Variants in GNA14 observed in about 807,000 individuals in gnomAD.
GNA14 encodes the protein G protein subunit alpha 14, also known as guanine nucleotide-binding protein subunit alpha-14.
In GNA14, 50 loss-of-function variants were observed where a neutral mutation model predicts 42.0. That is an observed-to-expected ratio of 1.19 (90% CI 0.95 to 1.51). The LOEUF (loss-of-function observed/expected upper bound fraction) is 1.51, where lower values mean the gene tolerates loss of function less well. Ranked by LOEUF, GNA14 falls within the 40% of genes most tolerant of loss-of-function variation. GNA14 has a pLI of 0.00. For missense variants in GNA14, 473 were observed against 446.2 expected (o/e 1.06, Z -0.54); for synonymous variants, 173 against 163.1 (o/e 1.06, Z -0.46).
At chr9:77,490,532 G>T (rs1836751974) in intron 2 of GNA14, among the ~76,000 whole-genome samples, 1 of 152,248 alleles carries the variant, frequency 6.6e-6, no homozygotes, top group East Asian at 1.9e-4. Flanking sequence ...TGCCTCGCGG[G>T]AAGGCAGCTA....
intron 1 of GNA14, among the ~76,000 whole-genome samples, chr9:77,626,527 TAACA>T (rs1191313899): frequency 4.6e-5 from 7 of 152,074 alleles, no homozygotes; most frequent in East Asian, 1.9e-4. Context: ...ACTGAAATAA[TAACA>T]AACAGTCTCT....
intron 2 of GNA14, among the ~76,000 whole-genome samples, chr9:77,489,595 C>A (rs1836724199): frequency 6.6e-6 from 1 of 152,070 alleles, no homozygotes; most frequent in Non-Finnish European, 1.5e-5. Context: ...AGGTGGTGCA[C>A]CTGGAGTCTG....
At chr9:77,431,684 A>G in intron 3 of GNA14, 1 of 410,206 alleles carries the variant, frequency 2.4e-6, no homozygotes, top group East Asian at 3.5e-5. Context: ...TCTGCAGAGC[A>G]CTCCGTCTCT....
chr9:77,475,068 C>T (rs932390858), intron 2 of GNA14, among the ~76,000 whole-genome samples: 4 of 146,774 alleles, frequency 2.7e-5, no homozygotes, highest in Non-Finnish European at 4.4e-5. Flanking sequence ...TTTTGTGATC[C>T]ACACCCAAGT....
At chr9:77,610,424 C>G (rs1423687630) in intron 1 of GNA14, among the ~76,000 whole-genome samples, 1 of 152,158 alleles carries the variant, frequency 6.6e-6, no homozygotes, top group Non-Finnish European at 1.5e-5. Flanking sequence ...CCTTCTGCCC[C>G]TACACCTTAA....
At chr9:77,511,665 C>G (rs1003225392) in intron 2 of GNA14, among the ~76,000 whole-genome samples, 3 of 152,144 alleles carry the variant, frequency 2.0e-5, no homozygotes, top group African/African-American at 7.2e-5. Context: ...GCCCTCACAG[C>G]CCTCACTCAC....
At chr9:77,645,830 T>A (rs894212131) in intron 1 of GNA14, among the ~76,000 whole-genome samples, 1 of 152,140 alleles carries the variant, frequency 6.6e-6, no homozygotes, top group Non-Finnish European at 1.5e-5. Flanking sequence ...ACTTCATACA[T>A]TGACACAAAT....
At chr9:77,488,689 C>A (rs1210808296) in intron 2 of GNA14, among the ~76,000 whole-genome samples, 2 of 150,480 alleles carry the variant, frequency 1.3e-5, no homozygotes, top group South Asian at 4.2e-4. Flanking sequence ...GGGCTCAAGG[C>A]ACCCTCTAGT....
Position 77,635,559 on chromosome 9 carries a change from G to A in GNA14, c.124+12111C>T, listed in dbSNP as rs931021799. Among the ~76,000 whole-genome samples, 4 of 151,974 alleles carry A rather than the reference G, an allele frequency of 2.6e-5. No individual in the cohort carries two copies. The South Asian group carries it at 8.3e-4, about 32-fold the overall frequency. On this transcript the variant is annotated intron_variant, in intron 1 of 6. Coordinates refer to ENST00000341700, the MANE Select transcript of GNA14 (RefSeq NM_004297.4). ...GCTTTGTTTTAAATTTGTACTATCT[G>A]GTAAGGAAAAAAGAGAGAAAAGTAA...
intron 2 of GNA14, among the ~76,000 whole-genome samples, chr9:77,515,072 A>G (rs1281015193): frequency 6.6e-6 from 1 of 152,196 alleles, no homozygotes; most frequent in Non-Finnish European, 1.5e-5. Flanking sequence ...GAGGCTGGAC[A>G]CTGCGAGAGA....
At chr9:77,465,219 GTC>G (rs1836201782) in intron 2 of GNA14, among the ~76,000 whole-genome samples, 1 of 152,180 alleles carries the variant, frequency 6.6e-6, no homozygotes, top group Non-Finnish European at 1.5e-5. Flanking sequence ...GACAACCTCT[GTC>G]TCTATGAATT....
Position 77,488,784 on chromosome 9 carries a change from TAAAA to T in GNA14, c.309+40281_309+40284del, listed in dbSNP as rs67416479. Among the ~76,000 whole-genome samples the T allele has an allele frequency of 1.5e-3, 81 of 53,696 alleles. 1 individual carries two copies. The highest frequency in any genetic ancestry group is 5.9e-3 in the African/African-American group (69 of 11,606). The allele number at this position is 53,696 out of a possible 152,430, so 35.2% of individuals were successfully genotyped here. On this transcript the variant is annotated intron_variant, in intron 2 of 6. Coordinates refer to ENST00000341700, the MANE Select transcript of GNA14 (RefSeq NM_004297.4). ...GACTCTTTAAGCAAACACACCTAATTAAAAAAAAAAAAAAAAAAAAAAAAACAGA... is the reference window on the plus strand; with the variant it reads ...GACTCTTTAAGCAAACACACCTAATTAAAAAAAAAAAAAAAAAAAAACAGA...
At chr9:77,595,570 C>G (rs1191444218) in intron 1 of GNA14, among the ~76,000 whole-genome samples, 2 of 152,122 alleles carry the variant, frequency 1.3e-5, no homozygotes, top group Non-Finnish European at 2.9e-5. Flanking sequence ...CCGTTTTTAT[C>G]CAGCCCATCA....
chr9:77,537,413 G>A (rs543638490), intron 1 of GNA14, among the ~76,000 whole-genome samples: 4 of 152,174 alleles, frequency 2.6e-5, no homozygotes, highest in African/African-American at 9.6e-5. Flanking sequence ...ACATGATTTC[G>A]TTCTTTTTCT....
chr9:77,622,933 G>T (rs2117979182), intron 1 of GNA14, among the ~76,000 whole-genome samples: 1 of 147,664 alleles, frequency 6.8e-6, no homozygotes, highest in South Asian at 2.2e-4. Context: ...TCAGTTTCAG[G>T]TGGGGCACAG....
At chr9:77,521,650 C>T (rs1410565627) in intron 2 of GNA14, among the ~76,000 whole-genome samples, 1 of 152,214 alleles carries the variant, frequency 6.6e-6, no homozygotes, top group East Asian at 1.9e-4. Context: ...TAGAAATATA[C>T]TCTCCTATGA....
Position 77,452,610 on chromosome 9 carries a change from T to TGGAAGTGTGTCAGTG in GNA14, c.310-18089_310-18088insCACTGACACACTTCC, listed in dbSNP as rs376291520. Among the ~76,000 whole-genome samples the TGGAAGTGTGTCAGTG allele has an allele frequency of 1.3e-3, 77 of 59,270 alleles. 3 individuals are homozygous for TGGAAGTGTGTCAGTG. Among genetic ancestry groups the TGGAAGTGTGTCAGTG allele is most frequent in the African/African-American group, 4.1e-3 (23 of 5,566 alleles). The allele number at this position is 59,270 out of a possible 152,430, so 38.9% of individuals were successfully genotyped here. A position where few individuals can be genotyped will look rare whatever the true frequency, so the allele number is the denominator to read the frequency against. On this transcript the variant is annotated intron_variant, in intron 2 of 6. Coordinates refer to ENST00000341700, the MANE Select transcript of GNA14 (RefSeq NM_004297.4). ...TGTGTGTGTGTGGTGTGTATGTGTA[T>TGGAAGTGTGTCAGTG]GTGTGTGTATGTATATGTGTGCGGT...
chr9:77,522,249 A>G (rs1587815498), intron 2 of GNA14, among the ~76,000 whole-genome samples: 1 of 152,230 alleles, frequency 6.6e-6, no homozygotes, highest in East Asian at 1.9e-4. Context: ...AGGAGAAGGC[A>G]GGCAAGAAGG....
chr9:77,462,155 G>A (rs546401893), intron 2 of GNA14, among the ~76,000 whole-genome samples: 57 of 152,140 alleles, frequency 3.7e-4, no homozygotes, highest in Middle Eastern at 3.4e-3. Flanking sequence ...AATTTTATCC[G>A]GAAACACGAC....
Sources: allele counts gnomAD v4.1 joint callset (sites outside exome capture counted in the v4.1 genomes callset), GRCh38; gene constraint gnomAD v4.1.1; transcripts MANE v1.5; gene names NCBI Gene and HGNC (gene_info 2026-07-23, HGNC 2026-07-21).